Variants in RARB observed in about 807,000 individuals in gnomAD.
The protein encoded by RARB is retinoic acid receptor beta, also known as HBV-activated protein.
Under a neutral mutation model 51.9 loss-of-function variants are expected in RARB, and 17 were observed. The ratio of observed to expected loss-of-function variants is 0.33; its 90% CI spans 0.22 to 0.49. RARB has a LOEUF of 0.49. Ranked by LOEUF, RARB falls within the 20% of genes least tolerant of loss-of-function variation. The pLI, the probability that RARB is intolerant of heterozygous loss-of-function variation, is 0.99. For synonymous variants in RARB, 215 were observed against 195.4 expected (o/e 1.10, Z -0.84); for missense variants, 369 against 550.8 (o/e 0.67, Z 3.30).
chr3:25,386,989 A>G (rs974542582), intron 5 of RARB, among the ~76,000 whole-genome samples: 2 of 152,254 alleles, frequency 1.3e-5, no homozygotes, highest in African/African-American at 4.8e-5. Context: ...TGCCAGCAAC[A>G]GTGAACAGAG....
At chr3:24,977,143 A>G (rs1009369476) in intron 2 of RARB, among the ~76,000 whole-genome samples, 14 of 152,122 alleles carry the variant, frequency 9.2e-5, no homozygotes, top group African/African-American at 3.1e-4. Flanking sequence ...TACCGGTACC[A>G]TGCTGTTTCG....
intron 5 of RARB, among the ~76,000 whole-genome samples, chr3:25,253,276 G>C (rs1036918098): frequency 3.3e-5 from 5 of 152,030 alleles, no homozygotes; most frequent in African/African-American, 1.2e-4. Flanking sequence ...GGAAAGGAGG[G>C]CTGAGTTGTA....
chr3:24,886,721 C>T (rs1703274574), intron 2 of RARB, among the ~76,000 whole-genome samples: 1 of 152,062 alleles, frequency 6.6e-6, no homozygotes, highest in Non-Finnish European at 1.5e-5. Context: ...CAAGCATGAC[C>T]CACCGCGCCT....
chr3:24,884,755 A>G (rs946131913), intron 2 of RARB, among the ~76,000 whole-genome samples: 1 of 152,196 alleles, frequency 6.6e-6, no homozygotes, highest in South Asian at 2.1e-4. Flanking sequence ...CCTCGATAAC[A>G]TCTAATTAAC....
chr3:24,927,337 T>A (rs753387607), intron 2 of RARB, among the ~76,000 whole-genome samples: 2 of 152,132 alleles, frequency 1.3e-5, no homozygotes, highest in Non-Finnish European at 2.9e-5. Context: ...CAGAGTAAGT[T>A]TGTATTCCAT....
chr3:25,376,188 A>G (rs567819098), intron 5 of RARB, among the ~76,000 whole-genome samples: 1 of 152,240 alleles, frequency 6.6e-6, no homozygotes, highest in Non-Finnish European at 1.5e-5. Context: ...ATAAAATGGC[A>G]TTTTGCTCAC....
At chr3:25,453,362 C>A (rs553562862) in intron 1 of RARB, among the ~76,000 whole-genome samples, 2 of 151,634 alleles carry the variant, frequency 1.3e-5, no homozygotes, top group East Asian at 3.9e-4. Flanking sequence ...ATTCTCCTGC[C>A]TCAGCCTCCC....
At chr3:25,459,385 C>T (rs1202377915) in intron 1 of RARB, among the ~76,000 whole-genome samples, 3 of 152,172 alleles carry the variant, frequency 2.0e-5, no homozygotes, top group Non-Finnish European at 2.9e-5. Flanking sequence ...AGGGGACTCA[C>T]TGAAGGAAAT....
At chr3:25,227,028 T>C (rs1702070574) in intron 5 of RARB, among the ~76,000 whole-genome samples, 1 of 152,218 alleles carries the variant, frequency 6.6e-6, no homozygotes, top group African/African-American at 2.4e-5. Context: ...CTACTTACTG[T>C]TTCGAGTTGT....
At chr3:24,964,545 C>T (rs762303198) in intron 2 of RARB, among the ~76,000 whole-genome samples, 5 of 152,068 alleles carry the variant, frequency 3.3e-5, no homozygotes, top group African/African-American at 9.7e-5. Context: ...GAAAGCACAC[C>T]CACGATTGAG....
chr3:24,930,901 T>C (rs1437743271), intron 2 of RARB, among the ~76,000 whole-genome samples: 3 of 152,068 alleles, frequency 2.0e-5, no homozygotes, highest in African/African-American at 7.2e-5. Flanking sequence ...CAGTTCTAGT[T>C]ACCTGCGAAG....
intron 3 of RARB, among the ~76,000 whole-genome samples, chr3:25,560,082 C>G (rs560698937): frequency 1.3e-5 from 2 of 152,184 alleles, no homozygotes; most frequent in Admixed American, 6.5e-5. Flanking sequence ...ATATCTCATA[C>G]ATAGACTGCC....
intron 2 of RARB, among the ~76,000 whole-genome samples, chr3:25,465,644 C>T (rs1695392972): frequency 6.6e-6 from 1 of 152,138 alleles, no homozygotes; most frequent in South Asian, 2.1e-4. Context: ...GAATGGTCAG[C>T]GGCTGCTGTA....
intron 3 of RARB, among the ~76,000 whole-genome samples, chr3:25,530,215 C>G (rs1391147031): frequency 6.6e-6 from 1 of 152,138 alleles, no homozygotes; most frequent in Non-Finnish European, 1.5e-5. Context: ...TTGAGATATG[C>G]AGGAATCCCC....
chr3:25,516,631 C>CTTATTTTTTTTTTTTT (rs1698175291), intron 3 of RARB, among the ~76,000 whole-genome samples: 1 of 131,728 alleles, frequency 7.6e-6, no homozygotes, highest in Non-Finnish European at 1.6e-5. Flanking sequence ...ATTTCCTTGT[C>CTTATTTTTTTTTTTTT]TTTTTTTTTT....
intron 2 of RARB, among the ~76,000 whole-genome samples, chr3:24,971,202 C>A (rs1343846912): frequency 1.3e-5 from 2 of 151,880 alleles, no homozygotes; most frequent in Non-Finnish European, 2.9e-5. Flanking sequence ...TGCATTATAT[C>A]TTTTAGTTTT....
intron 4 of RARB, among the ~76,000 whole-genome samples, chr3:25,156,126 T>C (rs1345434266): frequency 1.3e-5 from 2 of 152,206 alleles, no homozygotes; most frequent in East Asian, 1.9e-4. Context: ...TAGTAGTTAA[T>C]AGATAATCAG....
At position 25,335,962 on chromosome 3, in the gene RARB, C is replaced by T. The variant is rs76948674; in HGVS notation, c.179-125231C>T. ...CATTTATTTGAGTATTATCCATCCT[C>T]TAAAACACAGGTTTTTAAAACATAT... On this transcript the variant is annotated intron_variant, in intron 5 of 11. Coordinates refer to the RARB transcript ENST00000383772. 2.1e-3 allele frequency among the ~76,000 whole-genome samples: 323 copies of T among 152,076 alleles called. 1 individual carries two copies. Among genetic ancestry groups the T allele is most frequent in the Non-Finnish European group, 3.5e-3 (237 of 68,016 alleles).
chr3:25,437,683 A>G (rs1351441683), intron 1 of RARB, among the ~76,000 whole-genome samples: 1 of 152,170 alleles, frequency 6.6e-6, no homozygotes, highest in Admixed American at 6.5e-5. Flanking sequence ...TGGATTATAC[A>G]TTTTTGTCAC....
Sources: gnomAD v4.1 joint callset for allele counts (sites outside exome capture counted in the v4.1 genomes callset) on GRCh38, gnomAD v4.1.1 for gene constraint, MANE v1.5 for transcripts, NCBI Gene and HGNC (gene_info 2026-07-23, HGNC 2026-07-21) for gene names.